Variants in RAB20 observed in about 807,000 individuals in gnomAD.
RAB20 encodes the protein RAB20, member RAS oncogene family, also known as ras-related protein Rab-20.
RAB20 carries 2 observed loss-of-function variants against 3.7 expected under a neutral mutation model. The observed-to-expected ratio is 0.54, with a 90% confidence interval of 0.22 to 1.69. The LOEUF (loss-of-function observed/expected upper bound fraction) is 1.69, where lower values mean the gene tolerates loss of function less well. Ranked by LOEUF, RAB20 falls within the 40% of genes most tolerant of loss-of-function variation. RAB20 has a pLI of 0.19. For missense variants in RAB20, 276 were observed against 311.9 expected (o/e 0.88, Z 0.87); for synonymous variants, 126 against 130.8 (o/e 0.96, Z 0.25).
chr13:110,537,220 C>G (rs921807701), intron 1 of RAB20, among the ~76,000 whole-genome samples: 1 of 151,462 alleles, frequency 6.6e-6, no homozygotes, highest in Non-Finnish European at 1.5e-5. Context: ...TGGTCTTGAA[C>G]TCCTGCGCTC....
At chr13:110,525,428 C>T (rs1313456161) in intron 1 of RAB20, among the ~76,000 whole-genome samples, 1 of 152,266 alleles carries the variant, frequency 6.6e-6, no homozygotes, top group Non-Finnish European at 1.5e-5. Context: ...CTGTTCCCAA[C>T]GTCTGCCCCA....
At chr13:110,533,729 G>A (rs2139577483) in intron 1 of RAB20, among the ~76,000 whole-genome samples, 1 of 152,254 alleles carries the variant, frequency 6.6e-6, no homozygotes, top group South Asian at 2.1e-4. Context: ...CCCCTCAGGA[G>A]CATTAGAAAA....
At chr13:110,548,202 G>A (rs1309541251) in intron 1 of RAB20, among the ~76,000 whole-genome samples, 1 of 148,248 alleles carries the variant, frequency 6.7e-6, no homozygotes, top group East Asian at 1.9e-4. Context: ...ACCATAATTC[G>A]GCCGGGCACG....
Position 110,523,267 on chromosome 13 carries a change from T to G in RAB20, c.*398A>C. Reference sequence around the variant, plus strand: ...CGCTTGAGAACAAGAAATGTCAGAGTTGTAGGACGTGGTAACAACCCAGGG... The same window carrying G: ...CGCTTGAGAACAAGAAATGTCAGAGGTGTAGGACGTGGTAACAACCCAGGG... On this transcript the variant is annotated 3_prime_UTR_variant, in exon 2 of 2. Transcript: ENST00000267328. The G allele has an allele frequency of 2.4e-6, 1 of 416,844 alleles. No homozygotes were observed. The highest frequency in any genetic ancestry group is 4.2e-6 in the Non-Finnish European group (1 of 236,800). The allele number at this position is 416,844 out of a possible 1,614,324, so 25.8% of individuals were successfully genotyped here.
chr13:110,535,699 C>T (rs1884626909), intron 1 of RAB20, among the ~76,000 whole-genome samples: 1 of 152,256 alleles, frequency 6.6e-6, no homozygotes. Flanking sequence ...ACCCGGCACG[C>T]TGGGCCCAGG....
chr13:110,532,225 G>A (rs1215200631), intron 1 of RAB20, among the ~76,000 whole-genome samples: 6 of 152,144 alleles, frequency 3.9e-5, no homozygotes, highest in African/African-American at 7.2e-5. Flanking sequence ...AGGTGCACCA[G>A]GAGTGAAAAT....
At chr13:110,536,601 G>C (rs1884642669) in intron 1 of RAB20, among the ~76,000 whole-genome samples, 2 of 151,982 alleles carry the variant, frequency 1.3e-5, no homozygotes, top group South Asian at 4.1e-4. Flanking sequence ...CAGACAACCA[G>C]AGTTCAGAGA....
chr13:110,544,161 C>A (rs547571370), intron 1 of RAB20, among the ~76,000 whole-genome samples: 93 of 152,274 alleles, frequency 6.1e-4, no homozygotes, highest in African/African-American at 2.2e-3. Flanking sequence ...CTGTCCTTTC[C>A]CCCAAAGGTT....
chr13:110,557,892 T>G (rs1416953703), intron 1 of RAB20, among the ~76,000 whole-genome samples: 1 of 152,268 alleles, frequency 6.6e-6, no homozygotes, highest in Non-Finnish European at 1.5e-5. Context: ...GGACCAGGTC[T>G]GTGCTGGGCA....
chr13:110,523,667 A>G lies in RAB20; in HGVS notation c.703T>C (p.Ter235ArgextTer51). 6.2e-7 allele frequency: 1 copy of G among 1,611,700 alleles called. No individual in the cohort carries two copies. Among genetic ancestry groups the G allele is most frequent in the Non-Finnish European group, 8.5e-7 (1 of 1,177,968 alleles). ...TGAGTCCAGGAGGCCCTCGAAAGTCAGGCACAACACCCAGATCTGGTCCTC... is the reference window on the plus strand; with the variant it reads ...TGAGTCCAGGAGGCCCTCGAAAGTCGGGCACAACACCCAGATCTGGTCCTC... ...PKRTRSGCCA[*>R] is the part of the protein sequence containing the mutation. Residue 235 changes from the stop codon to arginine (R), a stop_lost, in exon 2 of 2, where the codon TGA (stop) becomes CGA (arginine). Coordinates refer to ENST00000267328, the MANE Select transcript of RAB20 (RefSeq NM_017817.3).
intron 1 of RAB20, among the ~76,000 whole-genome samples, chr13:110,536,812 G>GC (rs1884650372): frequency 1.5e-5 from 1 of 65,884 alleles, no homozygotes; most frequent in South Asian, 4.6e-4. Flanking sequence ...TTAAGTTCTA[G>GC]GTACATGTGC....
intron 1 of RAB20, among the ~76,000 whole-genome samples, chr13:110,532,951 G>A (rs1054246366): frequency 6.6e-6 from 1 of 152,212 alleles, no homozygotes; most frequent in Non-Finnish European, 1.5e-5. Context: ...AAAGTGCTGG[G>A]GTCACAGGCA....
intron 1 of RAB20, among the ~76,000 whole-genome samples, chr13:110,525,071 A>C (rs1277178381): frequency 4.6e-5 from 7 of 152,152 alleles, no homozygotes; most frequent in Non-Finnish European, 8.8e-5. Flanking sequence ...CTGGCGGGGA[A>C]CAGGGCCAGC....
At chr13:110,552,146 C>T (rs925895253) in intron 1 of RAB20, among the ~76,000 whole-genome samples, 7 of 149,328 alleles carry the variant, frequency 4.7e-5, no homozygotes, top group Admixed American at 6.7e-5. Flanking sequence ...TGGGAGGCCA[C>T]GGTGGGTGGA....
In RAB20 at chr13:110,524,128, T is replaced by C. The variant is rs755638114; in HGVS notation, c.242A>G (p.Asp81Gly). 1.9e-6 allele frequency: 3 copies of C among 1,611,372 alleles called. No homozygotes were observed. Among genetic ancestry groups the C allele is most frequent in the Non-Finnish European group, 1.7e-6 (2 of 1,179,988 alleles). ...RGAAAIILTYDVNHRQSLVEL... is the reference protein window; with the variant it reads ...RGAAAIILTYGVNHRQSLVEL... ...CACCAGGCTCTGCCGGTGATTCACA[T>C]CATAGGTGAGGATGATGGCGGCCGC... Residue 81 changes from aspartate to glycine, a missense_variant, in exon 2 of 2, where the codon GAT (aspartate) becomes GGT (glycine). Asp to Gly is a moderately conservative substitution (Grantham distance 94). Transcript: ENST00000267328.
chr13:110,538,829 G>A lies in RAB20; in HGVS notation c.173-14632C>T, dbSNP rs114861419. On this transcript the variant is annotated intron_variant, in intron 1 of 1. Coordinates refer to ENST00000267328, the MANE Select transcript of RAB20 (RefSeq NM_017817.3). ...TGCACTTCCCTCACGTTCTTACTCT[G>A]AGACCAAGCTTCCTCCACTGTCCCT... Among the ~76,000 whole-genome samples the A allele has an allele frequency of 5.4e-3, 825 of 152,096 alleles. 8 individuals carry two copies. Among genetic ancestry groups the A allele is most frequent in the African/African-American group, 0.018 (750 of 41,478 alleles).
At chr13:110,557,824 C>T (rs1223906881) in intron 1 of RAB20, among the ~76,000 whole-genome samples, 1 of 152,252 alleles carries the variant, frequency 6.6e-6, no homozygotes, top group Non-Finnish European at 1.5e-5. Context: ...CGCCAGGCCA[C>T]GGCCTTTAGA....
rs559619022 is a variant in RAB20 at position 110,532,385 on chromosome 13, A to C, written c.173-8188T>G. 7.9e-5 allele frequency among the ~76,000 whole-genome samples: 12 copies of C among 152,266 alleles called. No individual in the cohort carries two copies. In the South Asian group the frequency reaches 1.9e-3, roughly 24 times the overall value. ...AGGAACTTTCATTATTTATTTATTT[A>C]CTTTTTCTTGAGACAGAGTCTTGCT... On this transcript the variant is annotated intron_variant, in intron 1 of 1. Coordinates refer to ENST00000267328, the MANE Select transcript of RAB20 (RefSeq NM_017817.3).
intron 1 of RAB20, among the ~76,000 whole-genome samples, chr13:110,546,313 G>A (rs1884848564): frequency 6.6e-6 from 1 of 152,134 alleles, no homozygotes; most frequent in African/African-American, 2.4e-5. Context: ...CTCAGAGACA[G>A]GATCATATCT....
Sources: allele counts gnomAD v4.1 joint callset (sites outside exome capture counted in the v4.1 genomes callset), GRCh38; gene constraint gnomAD v4.1.1; transcripts MANE v1.5; gene names NCBI Gene and HGNC (gene_info 2026-07-23, HGNC 2026-07-21).